DYSF: variants seen among roughly 807,000 people sequenced by gnomAD.
The protein encoded by DYSF is dystrophy-associated fer-1-like 1.
In DYSF, 212 loss-of-function variants were observed where a neutral mutation model predicts 274.9. The ratio of observed to expected loss-of-function variants is 0.77; its 90% confidence interval spans 0.69 to 0.86. The LOEUF (loss-of-function observed/expected upper bound fraction) is 0.86, where lower values mean the gene tolerates loss of function less well. DYSF is among the 40% of genes least tolerant of loss of function. DYSF has a pLI of 0.00. For missense variants in DYSF, 2,666 were observed against 2,783.2 expected, an observed-to-expected ratio of 0.96 and a Z score of 0.95; for synonymous variants, 1,091 against 1,078.7, an observed-to-expected ratio of 1.01 and a Z score of -0.22.
chr2:71,513,207 C>A lies in DYSF; in HGVS notation c.461-33C>A, dbSNP rs563448697. 451 of 1,549,690 alleles carry A rather than the reference C, an allele frequency of 2.9e-4. 1 individual carries two copies. The African/African-American group carries it at 5.7e-3, about 20-fold the overall frequency. On this transcript the variant is annotated intron_variant, in intron 5 of 55. Coordinates refer to ENST00000410020, the MANE Select transcript of DYSF (RefSeq NM_001130987.2). ...TTCCTTCACCCCAACCTCCTCCCTC[C>A]CCTCCCGGGGTTATGCCCTGCCCAC... is the stretch of plus-strand genomic sequence containing the variant.
At chr2:71,605,414 G>A (rs1040421532) in intron 36 of DYSF, among the ~76,000 whole-genome samples, 3 of 152,226 alleles carry the variant, frequency 2.0e-5, no homozygotes, top group African/African-American at 4.8e-5. Context: ...ACACATGCAC[G>A]CACACACAGC....
At chr2:71,488,999 G>C (rs2083586846) in intron 3 of DYSF, among the ~76,000 whole-genome samples, 1 of 152,090 alleles carries the variant, frequency 6.6e-6, no homozygotes, top group African/African-American at 2.4e-5. Flanking sequence ...CCCACATTGA[G>C]CTGGATGATC....
intron 17 of DYSF, among the ~76,000 whole-genome samples, chr2:71,540,235 C>T (rs766071146): frequency 4.6e-5 from 7 of 151,858 alleles, no homozygotes; most frequent in African/African-American, 9.7e-5. Flanking sequence ...CTCAGCCTCC[C>T]GAGCAGCTGG....
Position 71,588,250 on chromosome 2 carries a change from C to T in DYSF, c.3403-1343C>T, listed in dbSNP as rs368502362. Among the ~76,000 whole-genome samples the T allele has an allele frequency of 4.3e-4, 66 of 152,172 alleles. No homozygotes were observed. In the South Asian group the frequency reaches 0.013, roughly 31 times the overall value. ...CTGAATGGGAGAAGGCTGGACTGGA[C>T]CTTTCAGGCCACCGAAGGATTCAGG... is the stretch of plus-strand genomic sequence containing the variant. On this transcript the variant is annotated intron_variant, in intron 30 of 55. Transcript: ENST00000410020.
chr2:71,524,323 CTT>C (rs2087621942), intron 12 of DYSF, among the ~76,000 whole-genome samples: 1 of 152,180 alleles, frequency 6.6e-6, no homozygotes, highest in Admixed American at 6.5e-5. Context: ...AATGTGATAT[CTT>C]TTATCTCCCC....
In DYSF at chr2:71,491,725, C is replaced by T. The variant is rs140265086; in HGVS notation, c.239+9755C>T. ...TATGGCCTCCAGCTCCATCCATGTTCCTGCAAAGGACATGATCTCATTCTT... is the reference window on the plus strand; with the variant it reads ...TATGGCCTCCAGCTCCATCCATGTTTCTGCAAAGGACATGATCTCATTCTT... On this transcript the variant is annotated intron_variant, in intron 3 of 55. Transcript: ENST00000410020. Among the ~76,000 whole-genome samples the T allele has an allele frequency of 2.9e-4, 44 of 152,298 alleles. 1 individual carries two copies. The East Asian group carries it at 8.3e-3, about 29-fold the overall frequency.
At position 71,590,280 on chromosome 2, in the gene DYSF, CTT is replaced by C. The variant is rs766341386; in HGVS notation, c.3570_3571del (p.Ser1191Ter). 1.2e-5 allele frequency: 19 copies of C among 1,614,062 alleles called. No homozygotes were observed. Among genetic ancestry groups the C allele is most frequent in the Non-Finnish European group, 1.4e-5 (17 of 1,180,020 alleles). The stretch of plus-strand genomic sequence containing the variant: ...GACCTGGCTGCGATGGACAAGGACT[CTT>C]TTTCTGGTAGGTGGGAGAGAGGCAG... On this transcript the variant is annotated frameshift_variant, in exon 32 of 56. Transcript: ENST00000410020. LOFTEE classifies it high-confidence loss of function.
At chr2:71,633,153 A>T (rs2152911936) in intron 41 of DYSF, among the ~76,000 whole-genome samples, 1 of 152,242 alleles carries the variant, frequency 6.6e-6, no homozygotes, top group Middle Eastern at 3.4e-3. Flanking sequence ...AAGTGTGTGG[A>T]GTTCTGCTGA....
chr2:71,610,863 G>A (rs1165988578), intron 36 of DYSF: 1 of 335,200 alleles, frequency 3.0e-6, no homozygotes, highest in African/African-American at 2.1e-5. Context: ...GGACTGAGAG[G>A]GGCTGAAGTG....
chr2:71,485,908 G>C (rs562080355), intron 3 of DYSF, among the ~76,000 whole-genome samples: 4 of 152,204 alleles, frequency 2.6e-5, no homozygotes, highest in African/African-American at 9.6e-5. Flanking sequence ...CCGCCTCCTG[G>C]GTTCAAGTGA....
intron 55 of DYSF, 126 bp from the exon 56 acceptor site, chr2:71,686,328 C>A: frequency 8.3e-7 from 1 of 1,207,570 alleles, no homozygotes; most frequent in Non-Finnish European, 1.2e-6. Flanking sequence ...CACGAGCGTC[C>A]TCTCCCAGCC....
chr2:71,520,260 A>ATTGGGGACACTCAT, intron 11 of DYSF, 52 bp downstream of exon 11: 1 of 1,598,428 alleles, frequency 6.3e-7, no homozygotes, highest in Non-Finnish European at 8.6e-7. Context: ...CTGGAGGCTG[A>ATTGGGGACACTCAT]TTGGGGACAC....
intron 32 of DYSF, among the ~76,000 whole-genome samples, chr2:71,592,351 C>T (rs2093292113): frequency 6.6e-6 from 1 of 151,920 alleles, no homozygotes; most frequent in Middle Eastern, 3.2e-3. Context: ...AAATAAACAT[C>T]CCTTGAGCTT....
chr2:71,476,875 CA>C (rs35463898), intron 1 of DYSF, among the ~76,000 whole-genome samples: 70,767 of 149,478 alleles, frequency 0.47, 19,469 homozygotes, highest in African/African-American at 0.77. Flanking sequence ...GAATGACTGA[CA>C]AAACTATAGT....
intron 3 of DYSF, among the ~76,000 whole-genome samples, chr2:71,490,059 C>T (rs1050973020): frequency 2.6e-5 from 4 of 152,124 alleles, no homozygotes; most frequent in Non-Finnish European, 5.9e-5. Flanking sequence ...CTTACGTAAA[C>T]CACACAAACA....
chr2:71,624,504 T>C (rs1256358855), intron 41 of DYSF, among the ~76,000 whole-genome samples: 2 of 152,226 alleles, frequency 1.3e-5, no homozygotes, highest in Non-Finnish European at 2.9e-5. Context: ...TTAAACAGGC[T>C]CTGTGGCATG....
intron 17 of DYSF, among the ~76,000 whole-genome samples, chr2:71,543,814 A>C (rs530293941): frequency 2.0e-5 from 3 of 152,176 alleles, no homozygotes; most frequent in Non-Finnish European, 2.9e-5. Flanking sequence ...TGGCGGCAGT[A>C]CAGTCCAGCT....
At chr2:71,479,334 A>G (rs973427073) in intron 1 of DYSF, among the ~76,000 whole-genome samples, 3 of 151,712 alleles carry the variant, frequency 2.0e-5, no homozygotes, top group African/African-American at 7.3e-5. Flanking sequence ...TCTGTGGATC[A>G]GTGTCTTCAT....
intron 1 of DYSF, among the ~76,000 whole-genome samples, chr2:71,477,676 C>A (rs979950059): frequency 2.6e-5 from 4 of 152,188 alleles, no homozygotes; most frequent in Non-Finnish European, 5.9e-5. Flanking sequence ...CAGAATCATA[C>A]GTGGGTGAAA....
Sources: allele counts gnomAD v4.1 joint callset (sites outside exome capture counted in the v4.1 genomes callset), GRCh38; gene constraint gnomAD v4.1.1; transcripts MANE v1.5; gene names NCBI Gene and HGNC (gene_info 2026-07-23, HGNC 2026-07-21).